FGF3: variants seen among roughly 807,000 people sequenced by gnomAD.
FGF3 encodes FGF-3.
A neutral mutation model predicts 9.8 loss-of-function variants in FGF3; 7 were observed. The ratio of observed to expected loss-of-function variants is 0.72; its 90% confidence interval spans 0.41 to 1.35. FGF3 has a LOEUF of 1.35. Among genes scored for constraint, FGF3 ranks in the 40% most tolerant of loss-of-function variants. The pLI is 0.01. For synonymous variants in FGF3, 173 were observed against 157.2 expected (o/e 1.10, Z -0.75); for missense variants, 390 against 345.6 (o/e 1.13, Z -1.02).
At chr11:69,818,259 A>G (rs1856173667) in intron 1 of FGF3, among the ~76,000 whole-genome samples, 3 of 152,250 alleles carry the variant, frequency 2.0e-5, no homozygotes, top group Admixed American at 6.5e-5. Flanking sequence ...AGTCGTCAAA[A>G]TAATAAAGAG....
chr11:69,814,778 C>CCCTGGTGCTTAG (rs1482708004), intron 2 of FGF3, among the ~76,000 whole-genome samples: 1 of 152,120 alleles, frequency 6.6e-6, no homozygotes, highest in African/African-American at 2.4e-5. Context: ...GGCTAAGCAT[C>CCCTGGTGCTTAG]CCTGGTGGGG....
Position 69,810,550 on chromosome 11 carries a change from C to T in FGF3, c.475G>A (p.Gly159Ser), listed in dbSNP as rs138021053. Residue 159 changes from glycine to serine, a missense_variant, in exon 3 of 3, where the codon GGC becomes AGC. Transcript: ENST00000334134. Reference sequence around the variant, plus strand: ...AAGCCCCTGCGGGGCCGGCCCTTGCCGTTCACAGACACGTACCACAGTCTC... The same window carrying T: ...AAGCCCCTGCGGGGCCGGCCCTTGCTGTTCACAGACACGTACCACAGTCTC... The part of the protein sequence containing the change: ...AERLWYVSVN[G>S]KGRPRRGFKT... 7.3e-5 allele frequency: 118 copies of T among 1,612,670 alleles called. No individual in the cohort carries two copies. The highest frequency in any genetic ancestry group is 9.2e-5 in the Non-Finnish European group (108 of 1,179,768).
At chr11:69,816,466 AG>A (rs782513303) in intron 1 of FGF3, 43 bp from the exon 2 acceptor site, 2 of 1,511,234 alleles carry the variant, frequency 1.3e-6, no homozygotes, top group Non-Finnish European at 1.8e-6. Flanking sequence ...GCCCCCACGG[AG>A]GGGGCGGCTG....
rs372402801 is a variant in FGF3 at position 69,810,631 on chromosome 11, G to C, written c.394C>G (p.Arg132Gly). Reference sequence around the variant, plus strand: ...GTACTAGACACCGTCCGGTACAGCCGGGAGGCATACGTATTATAGCCCAGC... The same window carrying C: ...GTACTAGACACCGTCCGGTACAGCCCGGAGGCATACGTATTATAGCCCAGC... ...HELGYNTYAS[R>G]LYRTVSSTPG... Residue 132 changes from arginine (R) to glycine (G), a missense_variant, in exon 3 of 3, where the codon CGG becomes GGG. Coordinates refer to ENST00000334134, the MANE Select transcript of FGF3 (RefSeq NM_005247.4). 1.2e-6 allele frequency: 2 copies of C among 1,603,442 alleles called. No homozygotes were observed. Among genetic ancestry groups the C allele is most frequent in the Non-Finnish European group, 1.7e-6 (2 of 1,173,026 alleles).
intron 2 of FGF3, among the ~76,000 whole-genome samples, chr11:69,813,694 GGATGGATAGGTGGATGGATGGATA>G (rs1565114904): frequency 0.012 from 1,640 of 138,820 alleles, 240 homozygotes; most frequent in East Asian, 0.021. Context: ...ATGGGTGGAT[GGATGGATAGGTGGATGGATGGATA>G]GGTGGATGGA....
chr11:69,813,293 G>T (rs575718886), intron 2 of FGF3, among the ~76,000 whole-genome samples: 2 of 152,292 alleles, frequency 1.3e-5, no homozygotes, highest in South Asian at 4.1e-4. Context: ...AGTTGAGGGG[G>T]CTTCCGGAAG....
chr11:69,812,504 G>A (rs968436255), intron 2 of FGF3, among the ~76,000 whole-genome samples: 4 of 152,098 alleles, frequency 2.6e-5, no homozygotes, highest in Admixed American at 1.3e-4. Context: ...ATCCAAGACC[G>A]GTCTCCATGT....
At chr11:69,818,093 G>T (rs1554981293) in intron 1 of FGF3, among the ~76,000 whole-genome samples, 1 of 143,748 alleles carries the variant, frequency 7.0e-6, no homozygotes, top group Non-Finnish European at 1.6e-5. Context: ...CCAGCGCGGG[G>T]AATAACTGTC....
At chr11:69,814,389 C>T (rs984587289) in intron 2 of FGF3, among the ~76,000 whole-genome samples, 4 of 150,896 alleles carry the variant, frequency 2.7e-5, no homozygotes, top group South Asian at 2.1e-4. Context: ...GCTGGTGGGG[C>T]GATGATTAAG....
At chr11:69,813,796 ATGGATGGATGGGTGGATGGGTGGATGGG>A (rs1856075841) in intron 2 of FGF3, among the ~76,000 whole-genome samples, 7 of 123,628 alleles carry the variant, frequency 5.7e-5, no homozygotes, top group Non-Finnish European at 7.3e-5. Context: ...GGATGGATGG[ATGGATGGATGGGTGGATGGGTGGATGGG>A]TGGATGGGTG....
chr11:69,810,715 TATC>T lies in FGF3; in HGVS notation c.325-18_325-16del. 1 of 1,561,732 alleles carries T rather than the reference TATC, an allele frequency of 6.4e-7. No individual in the cohort carries two copies. Among genetic ancestry groups the T allele is most frequent in the Non-Finnish European group, 8.7e-7 (1 of 1,150,300 alleles). On this transcript the variant is annotated splice_polypyrimidine_tract_variant and intron_variant, in intron 2 of 2. Transcript: ENST00000334134. ...CTGTAGTGCTCCTGCGGGGATGAGA[TATC>T]ATGGTCAGTGCCCCGGGGAGACTGT... is the stretch of plus-strand genomic sequence containing the variant.
Position 69,810,368 on chromosome 11 carries a change from G to A in FGF3, c.657C>T (p.Asn219=). ...RRRRQKQSPD[N]LEPSHVQASR... ...AAGCCTGAACGTGAGAGGGCTCCAGGTTATCCGGGCTCTGCTTCTGCCGCC... is the reference window on the plus strand; with the variant it reads ...AAGCCTGAACGTGAGAGGGCTCCAGATTATCCGGGCTCTGCTTCTGCCGCC... Residue 219 remains asparagine, a synonymous_variant, in exon 3 of 3, where the codon AAC becomes AAT. Coordinates refer to ENST00000334134, the MANE Select transcript of FGF3 (RefSeq NM_005247.4). 6.4e-7 allele frequency: 1 copy of A among 1,566,038 alleles called. No homozygotes were observed. Among genetic ancestry groups the A allele is most frequent in the Non-Finnish European group, 8.7e-7 (1 of 1,151,558 alleles).
At chr11:69,812,564 C>T (rs1188698862) in intron 2 of FGF3, among the ~76,000 whole-genome samples, 1 of 152,116 alleles carries the variant, frequency 6.6e-6, no homozygotes, top group African/African-American at 2.4e-5. Context: ...CCCTACATTA[C>T]AGGGGATAGA....
intron 2 of FGF3, among the ~76,000 whole-genome samples, chr11:69,814,165 C>T (rs1450928141): frequency 6.6e-6 from 1 of 151,976 alleles, no homozygotes; most frequent in Non-Finnish European, 1.5e-5. Flanking sequence ...GATGGCTTGA[C>T]AAACAGATGG....
intron 2 of FGF3, among the ~76,000 whole-genome samples, chr11:69,813,804 A>ATGGATGGG (rs1565115012): frequency 9.1e-5 from 5 of 54,782 alleles, no homozygotes; most frequent in Admixed American, 1.8e-4. Flanking sequence ...GGATGGATGG[A>ATGGATGGG]TGGGTGGATG....
In FGF3 at chr11:69,810,300, C is replaced by CCACCAGTGCA. The variant is rs1205850928; in HGVS notation, c.*4_*5insTGCACTGGTG. On this transcript the variant is annotated 3_prime_UTR_variant, in exon 3 of 3. Coordinates refer to ENST00000334134, the MANE Select transcript of FGF3 (RefSeq NM_005247.4). ...AGGAGCTCTGGCGGTGGCCACCAGG[C>CCACCAGTGCA]CCAGCTAGTGCGCACTGGCCTCCAG... 2.6e-6 allele frequency: 4 copies of CCACCAGTGCA among 1,556,832 alleles called. No individual in the cohort carries two copies. In the African/African-American group the frequency reaches 5.4e-5, roughly 21 times the overall value.
intron 1 of FGF3, 36 bp from the exon 2 acceptor site, chr11:69,816,459 C>T (rs1554981099): frequency 2.6e-6 from 4 of 1,555,036 alleles, no homozygotes; most frequent in Non-Finnish European, 3.5e-6. Context: ...TCCCGCCGCC[C>T]CCACGGAGGG....
chr11:69,810,035 C>A lies in FGF3; in HGVS notation c.*270G>T. The A allele has an allele frequency of 2.2e-6, 1 of 449,912 alleles. No individual in the cohort carries two copies. The highest frequency in any genetic ancestry group is 3.9e-6 in the Non-Finnish European group (1 of 255,136). 27.9% of individuals were successfully genotyped at this position (449,912 alleles called of 1,614,324 possible). ...ACTGCCCCGCTGCTCCTGGGAGGCT[C>A]CTCAGTCTGCCAGGGCTGGCACTCA... On this transcript the variant is annotated 3_prime_UTR_variant, in exon 3 of 3. Coordinates refer to ENST00000334134, the MANE Select transcript of FGF3 (RefSeq NM_005247.4).
In FGF3 at chr11:69,810,439, T is replaced by G; in HGVS notation, c.586A>C (p.Ser196Arg). 6.3e-7 allele frequency: 1 copy of G among 1,593,678 alleles called. No individual in the cohort carries two copies. The highest frequency in any genetic ancestry group is 8.5e-7 in the Non-Finnish European group (1 of 1,169,934). The change falls in exon 3 of 3, where the codon AGT becomes CGT. Residue 196 changes from serine (S) to arginine (R), a missense_variant. Transcript: ENST00000334134. ...TTACCAGGGGGTCTGGGCAGCCCACTCTGTAGCTGCCGCACCATCTCGTGG... is the reference window on the plus strand; with the variant it reads ...TTACCAGGGGGTCTGGGCAGCCCACGCTGTAGCTGCCGCACCATCTCGTGG... ...RDHEMVRQLQSGLPRPPGKGV... is the reference protein window; with the variant it reads ...RDHEMVRQLQRGLPRPPGKGV...
Sources: gnomAD v4.1 joint callset for allele counts (sites outside exome capture counted in the v4.1 genomes callset) on GRCh38, gnomAD v4.1.1 for gene constraint, MANE v1.5 for transcripts, NCBI Gene and HGNC (gene_info 2026-07-23, HGNC 2026-07-21) for gene names.